The following EFCAB11 variants were observed in gnomAD, a reference collection of about 807,000 sequenced individuals.
EFCAB11 encodes the protein EF-hand calcium binding domain 11, also known as EF-hand calcium-binding domain-containing protein 11.
Under a neutral mutation model 23.0 loss-of-function variants are expected in EFCAB11, and 14 were observed. The ratio of observed to expected loss-of-function variants is 0.61; its 90% confidence interval spans 0.40 to 0.95. EFCAB11 has a LOEUF of 0.95. EFCAB11 is among the 40% of genes least tolerant of loss of function. EFCAB11 has a pLI of 0.00. For synonymous variants in EFCAB11, 65 were observed against 66.6 expected (o/e 0.98, Z 0.11); for missense variants, 198 against 195.8 (o/e 1.01, Z -0.07).
At chr14:89,829,212 A>C (rs941452797) in intron 5 of EFCAB11, among the ~76,000 whole-genome samples, 2 of 152,166 alleles carry the variant, frequency 1.3e-5, no homozygotes, top group Non-Finnish European at 2.9e-5. Context: ...ATTCTGGAGG[A>C]GTTATCCTGA....
intron 5 of EFCAB11, among the ~76,000 whole-genome samples, chr14:89,853,493 A>G (rs546145467): frequency 7.2e-5 from 11 of 152,290 alleles, no homozygotes; most frequent in Non-Finnish European, 1.3e-4. Context: ...TTCATGCACC[A>G]AGAAGCCTAG....
At chr14:89,859,685 G>T (rs1327597538) in intron 5 of EFCAB11, among the ~76,000 whole-genome samples, 1 of 152,116 alleles carries the variant, frequency 6.6e-6, no homozygotes, top group Non-Finnish European at 1.5e-5. Flanking sequence ...GCCACTGTAT[G>T]CCAAAAAAAC....
At chr14:89,927,699 C>T (rs1409733471) in intron 5 of EFCAB11, among the ~76,000 whole-genome samples, 3 of 151,608 alleles carry the variant, frequency 2.0e-5, no homozygotes, top group Non-Finnish European at 4.4e-5. Flanking sequence ...TTTTCCAGTT[C>T]GCAACTTCCT....
intron 5 of EFCAB11, among the ~76,000 whole-genome samples, chr14:89,927,032 C>T (rs545085547): frequency 1.3e-5 from 2 of 152,156 alleles, no homozygotes; most frequent in Non-Finnish European, 2.9e-5. Flanking sequence ...TAAACATCAC[C>T]AGAATACCTA....
intron 5 of EFCAB11, among the ~76,000 whole-genome samples, chr14:89,856,613 G>T (rs936260095): frequency 2.0e-5 from 3 of 152,062 alleles, no homozygotes; most frequent in African/African-American, 7.2e-5. Context: ...TTAACTTTTT[G>T]ATAATAGCCA....
At chr14:89,948,005 G>A (rs1230124213) in intron 3 of EFCAB11, among the ~76,000 whole-genome samples, 10 of 119,484 alleles carry the variant, frequency 8.4e-5, no homozygotes, top group South Asian at 3.0e-4. Flanking sequence ...CCACCCCACC[G>A]CCCCACCCGT....
intron 5 of EFCAB11, among the ~76,000 whole-genome samples, chr14:89,822,899 G>A (rs561401604): frequency 1.3e-5 from 2 of 152,264 alleles, no homozygotes; most frequent in South Asian, 4.1e-4. Flanking sequence ...AAGCTGATTT[G>A]CAAGTAAACT....
intron 5 of EFCAB11, among the ~76,000 whole-genome samples, chr14:89,893,171 GA>G (rs1438493595): frequency 6.6e-6 from 1 of 152,220 alleles, no homozygotes; most frequent in Non-Finnish European, 1.5e-5. Context: ...CAGACACTGA[GA>G]AGCCAGCGTC....
chr14:89,918,582 T>C (rs1889925527), intron 5 of EFCAB11, among the ~76,000 whole-genome samples: 1 of 147,430 alleles, frequency 6.8e-6, no homozygotes. Flanking sequence ...ATTAAAGGAA[T>C]ACAGAAAAGA....
At chr14:89,924,536 G>C in intron 5 of EFCAB11, 3 of 1,495,078 alleles carry the variant, frequency 2.0e-6, no homozygotes, top group Non-Finnish European at 2.7e-6. Context: ...AGGTTCCTAG[G>C]CATGGAGAAG....
intron 5 of EFCAB11, among the ~76,000 whole-genome samples, chr14:89,873,706 G>A (rs1231270884): frequency 6.6e-6 from 1 of 152,186 alleles, no homozygotes; most frequent in Non-Finnish European, 1.5e-5. Flanking sequence ...ATCCAGTGGG[G>A]CAGCCAAATC....
At chr14:89,932,160 A>G (rs1212790408) in intron 4 of EFCAB11, among the ~76,000 whole-genome samples, 2 of 152,112 alleles carry the variant, frequency 1.3e-5, no homozygotes, top group South Asian at 2.1e-4. Flanking sequence ...CTATGGGGGA[A>G]AACAATTCCA....
chr14:89,811,290 T>C (rs991367262), intron 5 of EFCAB11, among the ~76,000 whole-genome samples: 1 of 152,114 alleles, frequency 6.6e-6, no homozygotes, highest in African/African-American at 2.4e-5. Flanking sequence ...TGGAAGTCTA[T>C]GTAAGGACCT....
intron 5 of EFCAB11, among the ~76,000 whole-genome samples, chr14:89,823,754 C>T (rs574898499): frequency 6.6e-6 from 1 of 152,176 alleles, no homozygotes; most frequent in South Asian, 2.1e-4. Flanking sequence ...TTTAAAAACC[C>T]AGTGGAACTT....
At position 89,945,919 on chromosome 14, in the gene EFCAB11, T is replaced by C. The variant is rs147245606; in HGVS notation, c.217+4178A>G. Among the ~76,000 whole-genome samples the C allele has an allele frequency of 6.3e-3, 932 of 148,114 alleles. 10 individuals carry two copies. The highest frequency in any genetic ancestry group is 0.023 in the African/African-American group (887 of 37,944). ...AATTTCCATTATTAGGGGATTTTTT[T>C]TTTTTATTTTTTTTTTTGAGACAGA... On this transcript the variant is annotated intron_variant, in intron 3 of 5. Transcript: ENST00000316738.
chr14:89,941,407 G>A (rs1005317883), intron 3 of EFCAB11, among the ~76,000 whole-genome samples: 1 of 152,100 alleles, frequency 6.6e-6, no homozygotes, highest in Non-Finnish European at 1.5e-5. Flanking sequence ...TTAGGAGTAT[G>A]ACCCATGGCA....
At chr14:89,947,801 T>C (rs1435832411) in intron 3 of EFCAB11, among the ~76,000 whole-genome samples, 1 of 152,204 alleles carries the variant, frequency 6.6e-6, no homozygotes, top group African/African-American at 2.4e-5. Flanking sequence ...TCTATCTCTC[T>C]AGGTGGTCTC....
Position 89,927,454 on chromosome 14 carries a change from G to T in EFCAB11, c.410+4087C>A, listed in dbSNP as rs75311136. On this transcript the variant is annotated intron_variant, in intron 5 of 5. Transcript: ENST00000316738. Reference sequence around the variant, plus strand: ...TTTCTGGACCTGTGTAGTGAATTGTGGACCTGGGTAAAGAAACCCATACAT... The same window carrying T: ...TTTCTGGACCTGTGTAGTGAATTGTTGACCTGGGTAAAGAAACCCATACAT... Among the ~76,000 whole-genome samples the T allele has an allele frequency of 2.0e-5, 3 of 152,112 alleles. No individual in the cohort carries two copies. In the East Asian group the frequency reaches 5.8e-4, roughly 29 times the overall value.
chr14:89,950,667 G>A (rs932395953), intron 2 of EFCAB11, among the ~76,000 whole-genome samples: 1 of 151,992 alleles, frequency 6.6e-6, no homozygotes, highest in Non-Finnish European at 1.5e-5. Flanking sequence ...TTAAACATTT[G>A]AGACTTTACT....
Sources: gnomAD v4.1 joint callset for allele counts (sites outside exome capture counted in the v4.1 genomes callset) on GRCh38, gnomAD v4.1.1 for gene constraint, MANE v1.5 for transcripts, NCBI Gene and HGNC (gene_info 2026-07-23, HGNC 2026-07-21) for gene names.